Variants in JPT1 observed in about 807,000 individuals in gnomAD.
The protein encoded by JPT1 is androgen-regulated protein 2.
In JPT1, 5 loss-of-function variants were observed where a neutral mutation model predicts 17.0. The ratio of observed to expected loss-of-function variants is 0.29; its 90% CI spans 0.15 to 0.62. JPT1 has a LOEUF of 0.62. Among genes scored for constraint, JPT1 ranks in the 20% least tolerant of loss-of-function variants. The pLI, the probability that JPT1 is intolerant of heterozygous loss-of-function variation, is 0.85. For synonymous variants in JPT1, 71 were observed against 73.6 expected (o/e 0.96, Z 0.18); for missense variants, 158 against 188.1 (o/e 0.84, Z 0.94).
chr17:75,149,177 C>A (rs2074496118), intron 1 of JPT1: 3 of 504,056 alleles, frequency 6.0e-6, no homozygotes, highest in Non-Finnish European at 1.1e-5. Flanking sequence ...ATGGCAAGAC[C>A]CCGTGTCTCT....
chr17:75,148,707 A>G, intron 1 of JPT1, 36 bp from the exon 2 acceptor site: 2 of 1,608,240 alleles, frequency 1.2e-6, no homozygotes, highest in Non-Finnish European at 1.7e-6. Flanking sequence ...TTCAGATCAT[A>G]CTGAAACATT....
intron 1 of JPT1, chr17:75,153,237 T>A (rs1269436233): frequency 2.0e-5 from 3 of 152,156 alleles, no homozygotes; most frequent in African/African-American, 7.2e-5. Context: ...CAGTGTGCAA[T>A]TAGCTGAGAC....
chr17:75,152,653 A>G (rs1368191645), intron 1 of JPT1, among the ~76,000 whole-genome samples: 1 of 152,218 alleles, frequency 6.6e-6, no homozygotes, highest in Non-Finnish European at 1.5e-5. Flanking sequence ...TTCTTTACAA[A>G]ACACTAATAT....
intron 1 of JPT1, 49 bp downstream of exon 1, chr17:75,154,293 T>G (rs987952130): frequency 2.0e-6 from 3 of 1,466,176 alleles, no homozygotes; most frequent in Non-Finnish European, 2.7e-6. Context: ...GCAGCGGCCC[T>G]CCCAGCCCCT....
In JPT1 at chr17:75,150,859, T is replaced by TTTTTTGTTTTGTTTTG. The variant is rs1555652357; in HGVS notation, c.57-2189_57-2188insCAAAACAAAACAAAAA. On this transcript the variant is annotated intron_variant, in intron 1 of 4. Transcript: ENST00000409753. ...AACATTTTTCTTTCTTTTTTTTTTT[T>TTTTTTGTTTTGTTTTG]TTTTTTTTTTTTGAGACAGAATCCT... is the stretch of plus-strand genomic sequence containing the variant. Among the ~76,000 whole-genome samples the TTTTTTGTTTTGTTTTG allele has an allele frequency of 1.0e-3, 140 of 140,278 alleles. 2 individuals carry two copies. The highest frequency in any genetic ancestry group is 8.5e-4 in the Non-Finnish European group (54 of 63,732). 92.0% of individuals were successfully genotyped at this position (140,278 alleles called of 152,430 possible).
Position 75,135,780 on chromosome 17 carries a change from A to T in JPT1, c.*322T>A, listed in dbSNP as rs1371307570. 3 of 497,134 alleles carry T rather than the reference A, an allele frequency of 6.0e-6. No homozygotes were observed. Among genetic ancestry groups the T allele is most frequent in the Non-Finnish European group, 1.1e-5 (3 of 279,810 alleles). The allele number at this position is 497,134 out of a possible 1,614,324, so 30.8% of individuals were successfully genotyped here. Reference sequence around the variant, plus strand: ...TGTCCAGTTGAGGCTTGGTAAACCCAAGTAAAGTGTTAAAAACCTCAGTAC... The same window carrying T: ...TGTCCAGTTGAGGCTTGGTAAACCCTAGTAAAGTGTTAAAAACCTCAGTAC... On this transcript the variant is annotated 3_prime_UTR_variant, in exon 5 of 5. Coordinates refer to ENST00000409753, the MANE Select transcript of JPT1 (RefSeq NM_016185.4).
intron 4 of JPT1, among the ~76,000 whole-genome samples, chr17:75,144,918 A>T (rs1222506059): frequency 6.6e-6 from 1 of 152,126 alleles, no homozygotes; most frequent in Non-Finnish European, 1.5e-5. Flanking sequence ...CCCCCTAAAC[A>T]GGTCCTATAA....
intron 1 of JPT1, among the ~76,000 whole-genome samples, chr17:75,150,630 C>T (rs993628816): frequency 1.3e-5 from 2 of 152,072 alleles, no homozygotes; most frequent in Non-Finnish European, 2.9e-5. Context: ...TCAGGTGATC[C>T]GCCTGCCTCA....
chr17:75,137,112 A>G (rs1310413050), intron 4 of JPT1, among the ~76,000 whole-genome samples: 1 of 152,138 alleles, frequency 6.6e-6, no homozygotes, highest in African/African-American at 2.4e-5. Context: ...ATTGCTTTAT[A>G]GTAATTATCA....
intron 2 of JPT1, chr17:75,147,859 C>T (rs913605993): frequency 2.4e-5 from 12 of 510,474 alleles, no homozygotes; most frequent in African/African-American, 1.3e-4. Context: ...ATTGGCTGGA[C>T]GTCATGGTGC....
intron 4 of JPT1, among the ~76,000 whole-genome samples, chr17:75,136,821 G>A (rs960801317): frequency 6.6e-6 from 1 of 152,058 alleles, no homozygotes; most frequent in African/African-American, 2.4e-5. Flanking sequence ...ATAAGAACAG[G>A]GAACTCTAGC....
At chr17:75,141,665 A>G (rs1016015330) in intron 4 of JPT1, among the ~76,000 whole-genome samples, 2 of 151,914 alleles carry the variant, frequency 1.3e-5, no homozygotes, top group Non-Finnish European at 1.5e-5. Context: ...ACAAAAAGGA[A>G]AAAACAACAA....
At position 75,147,596 on chromosome 17, in the gene JPT1, TTCCTTCTCTGCAG is replaced by T; in HGVS notation, c.244_256del (p.Leu82ThrfsTer11). On this transcript the variant is annotated frameshift_variant, in exon 3 of 5. Transcript: ENST00000409753. LOFTEE classifies it high-confidence loss of function. Reference sequence around the variant, plus strand: ...GTCTCCGGAGCTTGCTTCAGAGGAGTTCCTTCTCTGCAGTCCAGATGACTCCAAGTCTTCCCTG... The same window carrying T: ...GTCTCCGGAGCTTGCTTCAGAGGAGTTCCAGATGACTCCAAGTCTTCCCTG... 6.2e-7 allele frequency: 1 copy of T among 1,613,748 alleles called. No individual in the cohort carries two copies. Among genetic ancestry groups the T allele is most frequent in the Non-Finnish European group, 8.5e-7 (1 of 1,179,836 alleles).
chr17:75,139,112 C>A (rs2074262263), intron 4 of JPT1, among the ~76,000 whole-genome samples: 1 of 152,128 alleles, frequency 6.6e-6, no homozygotes, highest in Non-Finnish European at 1.5e-5. Context: ...CCTGAAATAA[C>A]CTAAATATAA....
chr17:75,141,178 G>A (rs1226067002), intron 4 of JPT1: 1 of 152,236 alleles, frequency 6.6e-6, no homozygotes, highest in Non-Finnish European at 1.5e-5. Flanking sequence ...GCTGAGGTGA[G>A]AGGATGGCTT....
intron 4 of JPT1, among the ~76,000 whole-genome samples, chr17:75,141,821 C>A (rs549290251): frequency 6.6e-6 from 1 of 152,026 alleles, no homozygotes; most frequent in African/African-American, 2.4e-5. Flanking sequence ...TGCCTCCCAG[C>A]GCTTTGGGAG....
intron 4 of JPT1, chr17:75,146,452 CAATATA>C: frequency 2.1e-6 from 1 of 479,764 alleles, no homozygotes; most frequent in Non-Finnish European, 3.7e-6. Context: ...CATGCCCAGC[CAATATA>C]TGTAATTTTA....
At chr17:75,150,631 G>A (rs1447676524) in intron 1 of JPT1, among the ~76,000 whole-genome samples, 3 of 151,524 alleles carry the variant, frequency 2.0e-5, no homozygotes, top group Admixed American at 6.6e-5. Flanking sequence ...CAGGTGATCC[G>A]CCTGCCTCAG....
chr17:75,137,461 ATCC>A (rs972816730), intron 4 of JPT1, among the ~76,000 whole-genome samples: 11 of 151,694 alleles, frequency 7.3e-5, no homozygotes, highest in African/African-American at 2.7e-4. Flanking sequence ...GGCTCAAGCA[ATCC>A]TCCTATATCA....
Sources: gnomAD v4.1 joint callset for allele counts (sites outside exome capture counted in the v4.1 genomes callset) on GRCh38, gnomAD v4.1.1 for gene constraint, MANE v1.5 for transcripts, NCBI Gene and HGNC (gene_info 2026-07-23, HGNC 2026-07-21) for gene names.